Variants in SSPN observed in about 807,000 individuals in gnomAD.
SSPN encodes sarcospan.
In SSPN, 15 loss-of-function variants were observed where a neutral mutation model predicts 19.1. That is an observed-to-expected ratio of 0.78 (90% CI 0.52 to 1.21). The LOEUF (loss-of-function observed/expected upper bound fraction) is 1.21, where lower values mean the gene tolerates loss of function less well. Ranked by LOEUF, SSPN falls within the 50% of genes most tolerant of loss-of-function variation. The pLI is 0.00. For missense variants in SSPN, 291 were observed against 314.0 expected (o/e 0.93, Z 0.55); for synonymous variants, 147 against 140.3 (o/e 1.05, Z -0.34).
intron 1 of SSPN, among the ~76,000 whole-genome samples, chr12:26,215,034 C>T (rs1200500994): frequency 6.6e-6 from 1 of 152,152 alleles, no homozygotes; most frequent in Non-Finnish European, 1.5e-5. Context: ...ATGGACTGGT[C>T]AAATGACATT....
At chr12:26,133,724 A>C (rs1944409174) in intron 1 of SSPN, among the ~76,000 whole-genome samples, 1 of 152,228 alleles carries the variant, frequency 6.6e-6, no homozygotes, top group Non-Finnish European at 1.5e-5. Flanking sequence ...ACATCTGCAC[A>C]CAGCTGCCAG....
At chr12:26,203,473 T>C (rs73089079) in intron 1 of SSPN, among the ~76,000 whole-genome samples, 9,637 of 152,252 alleles carry the variant, frequency 0.063, 334 homozygotes, top group Middle Eastern at 0.11. Context: ...AGGAACAGGC[T>C]TTACAGCATA....
At chr12:26,164,957 C>T (rs944706183) in intron 1 of SSPN, among the ~76,000 whole-genome samples, 2 of 152,144 alleles carry the variant, frequency 1.3e-5, no homozygotes, top group Admixed American at 1.3e-4. Context: ...CCGTGAATAG[C>T]ATTGGCGTTA....
chr12:26,195,860 TG>T lies in SSPN; in HGVS notation c.191del (p.Gly64AlafsTer4). On this transcript the variant is annotated frameshift_variant, in exon 1 of 3. Coordinates refer to ENST00000242729, the MANE Select transcript of SSPN (RefSeq NM_005086.5). LOFTEE classifies it high-confidence loss of function. ...CTGCTCGCCCTGCTGCAGCTGGCCC[TG>T]GGCATCGCCGTGACCGTGGTGGGCT... ...PLLLALLQLA[L>X]GIAVTVVGFL... The T allele has an allele frequency of 6.4e-7, 1 of 1,561,282 alleles. No homozygotes were observed.
At chr12:26,227,035 C>G (rs1945185177) in intron 2 of SSPN, among the ~76,000 whole-genome samples, 1 of 152,124 alleles carries the variant, frequency 6.6e-6, no homozygotes, top group African/African-American at 2.4e-5. Context: ...GATGGGCTGA[C>G]ACCCGCAAGA....
At chr12:26,188,849 G>C (rs182049953) in intron 1 of SSPN, among the ~76,000 whole-genome samples, 1 of 152,076 alleles carries the variant, frequency 6.6e-6, no homozygotes, top group African/African-American at 2.4e-5. Context: ...GGTATGTGGC[G>C]GGGATGTCTG....
rs760269877 is a variant in SSPN, at chr12:26,195,945, G to C, written c.273G>C (p.Gly91=). 2 of 1,512,412 alleles carry C rather than the reference G, an allele frequency of 1.3e-6. No homozygotes were observed. Among genetic ancestry groups the C allele is most frequent in the East Asian group, 2.6e-5 (1 of 37,864 alleles). The allele number at this position is 1,512,412 out of a possible 1,614,324, so 93.7% of individuals were successfully genotyped here. The change falls in exon 1 of 3, where the codon GGG becomes GGC. Residue 91 remains glycine (G), a synonymous_variant. Transcript: ENST00000242729. ...LLVRDTPFWA[G]IIVCLVAYLG... ...TCAGGGACACTCCATTTTGGGCTGG[G>C]ATCATTGTAAGCATCAAGTCTGTTT...
chr12:26,151,708 G>A (rs534388355), intron 1 of SSPN, among the ~76,000 whole-genome samples: 1 of 152,238 alleles, frequency 6.6e-6, no homozygotes, highest in Non-Finnish European at 1.5e-5. Flanking sequence ...AAAGGTTACC[G>A]TGGTCCAGGA....
chr12:26,214,979 G>A (rs1945031312), intron 1 of SSPN, among the ~76,000 whole-genome samples: 1 of 152,182 alleles, frequency 6.6e-6, no homozygotes, highest in African/African-American at 2.4e-5. Context: ...TCAGCAAGGT[G>A]GGGGTTGTAT....
At chr12:26,185,532 C>T (rs747664783) in intron 1 of SSPN, among the ~76,000 whole-genome samples, 27 of 152,128 alleles carry the variant, frequency 1.8e-4, no homozygotes, top group Non-Finnish European at 3.5e-4. Context: ...CCCCCCTGGG[C>T]AGGGGAGAAA....
At chr12:26,222,426 A>G (rs1945131573) in intron 1 of SSPN, among the ~76,000 whole-genome samples, 1 of 152,178 alleles carries the variant, frequency 6.6e-6, no homozygotes, top group Non-Finnish European at 1.5e-5. Flanking sequence ...CAGTTTCTCC[A>G]CCCTAACAGG....
intron 1 of SSPN, among the ~76,000 whole-genome samples, chr12:26,132,459 A>G (rs538797847): frequency 1.6e-4 from 25 of 152,332 alleles, no homozygotes; most frequent in East Asian, 5.8e-4. Context: ...GGTACATTTG[A>G]GATACACTTA....
chr12:26,122,462 G>C, intron 1 of SSPN: 1 of 1,353,842 alleles, frequency 7.4e-7, no homozygotes, highest in Non-Finnish European at 9.6e-7. Context: ...AGAGGAAGCA[G>C]AAGGGCAGGC....
At chr12:26,178,090 T>G (rs1944695760) in intron 1 of SSPN, among the ~76,000 whole-genome samples, 1 of 152,184 alleles carries the variant, frequency 6.6e-6, no homozygotes, top group African/African-American at 2.4e-5. Flanking sequence ...GCTCACTTAG[T>G]AGGCACTAGA....
intron 1 of SSPN, among the ~76,000 whole-genome samples, chr12:26,184,728 G>T (rs1233661173): frequency 6.6e-6 from 1 of 152,096 alleles, no homozygotes; most frequent in Admixed American, 6.5e-5. Flanking sequence ...ACAGAGGAAA[G>T]ACTATTACAG....
chr12:26,210,854 AT>A (rs1944978308), intron 1 of SSPN, among the ~76,000 whole-genome samples: 1 of 152,172 alleles, frequency 6.6e-6, no homozygotes, highest in African/African-American at 2.4e-5. Context: ...CTTTTTAGAA[AT>A]TTATTTTGGA....
intron 1 of SSPN, among the ~76,000 whole-genome samples, chr12:26,162,038 G>C (rs1357262915): frequency 1.3e-5 from 2 of 152,120 alleles, no homozygotes; most frequent in Non-Finnish European, 2.9e-5. Flanking sequence ...TAGGTACCTA[G>C]TCCATATTAT....
chr12:26,176,117 G>A (rs781390409), intron 1 of SSPN, among the ~76,000 whole-genome samples: 6 of 152,318 alleles, frequency 3.9e-5, no homozygotes, highest in Admixed American at 6.5e-5. Context: ...GATTACAGGC[G>A]TGAGCCTCAG....
At chr12:26,230,679 A>C (rs769022263) in intron 2 of SSPN, 32 bp from the exon 3 acceptor site, 1 of 1,565,200 alleles carries the variant, frequency 6.4e-7, no homozygotes, top group Non-Finnish European at 8.7e-7. Flanking sequence ...TGTTCTTTGT[A>C]ACCAGAAAGG....
Sources: allele counts gnomAD v4.1 joint callset (sites outside exome capture counted in the v4.1 genomes callset), GRCh38; gene constraint gnomAD v4.1.1; transcripts MANE v1.5; gene names NCBI Gene and HGNC (gene_info 2026-07-23, HGNC 2026-07-21).